FAM171B: variants seen among roughly 807,000 people sequenced by gnomAD.
FAM171B encodes protein FAM171B.
FAM171B carries 19 observed loss-of-function variants against 75.6 expected under a neutral mutation model. The ratio of observed to expected loss-of-function variants is 0.25; its 90% CI spans 0.18 to 0.37. FAM171B has a LOEUF of 0.37. FAM171B is among the 10% of genes least tolerant of loss of function. The pLI, the probability that FAM171B is intolerant of heterozygous loss-of-function variation, is 1.00. For missense variants in FAM171B, 848 were observed against 982.4 expected (o/e 0.86, Z 1.83); for synonymous variants, 367 against 361.7 (o/e 1.01, Z -0.17).
At chr2:186,731,809 A>AGTGGT (rs1217618888) in intron 1 of FAM171B, among the ~76,000 whole-genome samples, 2 of 152,112 alleles carry the variant, frequency 1.3e-5, no homozygotes, top group East Asian at 3.9e-4. Flanking sequence ...TTGTCAGATC[A>AGTGGT]GTGGCAGCAT....
chr2:186,733,175 G>A (rs990358346), intron 1 of FAM171B, among the ~76,000 whole-genome samples: 3 of 152,112 alleles, frequency 2.0e-5, no homozygotes, highest in South Asian at 2.1e-4. Context: ...CTGAATCTTC[G>A]TTTTTTGAAA....
Position 186,748,671 on chromosome 2 carries a change from A to T in FAM171B, c.724+1421A>T, listed in dbSNP as rs1037752674. Among the ~76,000 whole-genome samples the T allele has an allele frequency of 3.9e-5, 6 of 152,212 alleles. No homozygotes were observed. In the East Asian group the frequency reaches 1.2e-3, roughly 29 times the overall value. ...ACAGTGATAACCTGCTTGTTAACAC[A>T]TCCTGTACTGGCTCCCTTCCTTCCT... On this transcript the variant is annotated intron_variant, in intron 4 of 7. Coordinates refer to ENST00000304698, the MANE Select transcript of FAM171B (RefSeq NM_177454.4).
chr2:186,737,033 C>T (rs1690212700), intron 1 of FAM171B, among the ~76,000 whole-genome samples: 1 of 152,120 alleles, frequency 6.6e-6, no homozygotes, highest in African/African-American at 2.4e-5. Context: ...GTACTGGACA[C>T]ATTATTTCAT....
Position 186,743,452 on chromosome 2 carries a change from T to A in FAM171B, c.473-31T>A, listed in dbSNP as rs747441131. 25 of 1,490,516 alleles carry A rather than the reference T, an allele frequency of 1.7e-5. 4 individuals are homozygous for A. In the South Asian group the frequency reaches 2.7e-4, roughly 16 times the overall value. 92.3% of individuals were successfully genotyped at this position (1,490,516 alleles called of 1,614,324 possible). A position where few individuals can be genotyped will look rare whatever the true frequency, so the allele number is the denominator to read the frequency against. On this transcript the variant is annotated intron_variant, in intron 2 of 7. Coordinates refer to ENST00000304698, the MANE Select transcript of FAM171B (RefSeq NM_177454.4). The stretch of plus-strand genomic sequence containing the variant: ...CTAGTTTTTTTCCCCTCACATTAAG[T>A]AAAATATTCTAATTGTGCTATATTT...
chr2:186,722,899 T>G (rs2105779470), intron 1 of FAM171B, among the ~76,000 whole-genome samples: 1 of 152,348 alleles, frequency 6.6e-6, no homozygotes, highest in African/African-American at 2.4e-5. Flanking sequence ...TATTTGGTGT[T>G]GAGGATATTG....
At chr2:186,755,883 G>C (rs1690524873) in intron 6 of FAM171B, among the ~76,000 whole-genome samples, 1 of 152,070 alleles carries the variant, frequency 6.6e-6, no homozygotes, top group Admixed American at 6.6e-5. Flanking sequence ...TCAGAGGGTG[G>C]TTACTTTTGC....
chr2:186,698,696 A>G (rs1689614814), intron 1 of FAM171B, among the ~76,000 whole-genome samples: 2 of 152,256 alleles, frequency 1.3e-5, no homozygotes, highest in East Asian at 3.9e-4. Context: ...TACTATATTT[A>G]CCCTGTTGTG....
At chr2:186,720,796 C>CTGGT (rs1468424185) in intron 1 of FAM171B, among the ~76,000 whole-genome samples, 5 of 151,052 alleles carry the variant, frequency 3.3e-5, no homozygotes, top group African/African-American at 1.2e-4. Context: ...CCAGACATTT[C>CTGGT]TAATACGGGA....
At chr2:186,705,034 G>T (rs1301413963) in intron 1 of FAM171B, among the ~76,000 whole-genome samples, 22 of 152,228 alleles carry the variant, frequency 1.4e-4, no homozygotes, top group Admixed American at 1.4e-3. Flanking sequence ...CGCCCAGGAA[G>T]GAATTCAATG....
At chr2:186,752,697 T>G (rs1014612275) in intron 5 of FAM171B, among the ~76,000 whole-genome samples, 5 of 152,234 alleles carry the variant, frequency 3.3e-5, no homozygotes, top group African/African-American at 1.2e-4. Context: ...GATTTATCAC[T>G]GATGTAACAC....
intron 5 of FAM171B, among the ~76,000 whole-genome samples, chr2:186,751,956 A>C (rs1319482410): frequency 3.9e-5 from 6 of 152,188 alleles, no homozygotes; most frequent in Non-Finnish European, 7.3e-5. Flanking sequence ...GCTACAGTCT[A>C]GATAGTTTCA....
intron 1 of FAM171B, among the ~76,000 whole-genome samples, chr2:186,718,864 G>A (rs369478679): frequency 1.3e-5 from 2 of 152,114 alleles, no homozygotes; most frequent in Non-Finnish European, 2.9e-5. Flanking sequence ...TGTCATATCT[G>A]CTTTTTCCTT....
rs1690623473 is a variant in FAM171B at position 186,761,911 on chromosome 2, G to A, written c.1569G>A (p.Gly523=). The A allele has an allele frequency of 6.2e-7, 1 of 1,613,008 alleles. No individual in the cohort carries two copies. Among genetic ancestry groups the A allele is most frequent in the South Asian group, 1.1e-5 (1 of 91,062 alleles). The change falls in exon 8 of 8, where the codon GGG becomes GGA. Residue 523 remains glycine (G), a synonymous_variant. Coordinates refer to ENST00000304698, the MANE Select transcript of FAM171B (RefSeq NM_177454.4). ...RYLTGNEEAY[G]RSHIPEQLMH... ...TCACAGGTAATGAGGAGGCGTATGG[G>A]CGTTCCCATATTCCTGAACAGCTTA... is the stretch of plus-strand genomic sequence containing the variant.
At chr2:186,748,452 C>T (rs955787091) in intron 4 of FAM171B, among the ~76,000 whole-genome samples, 1 of 152,152 alleles carries the variant, frequency 6.6e-6, no homozygotes, top group South Asian at 2.1e-4. Context: ...AGCCAGATGA[C>T]ACTTATTATT....
At chr2:186,756,967 G>A (rs1690541633) in intron 6 of FAM171B, among the ~76,000 whole-genome samples, 1 of 152,160 alleles carries the variant, frequency 6.6e-6, no homozygotes, top group African/African-American at 2.4e-5. Context: ...TAAAGGTCCT[G>A]TGTACAGGAG....
intron 6 of FAM171B, among the ~76,000 whole-genome samples, chr2:186,758,507 C>G (rs1253536651): frequency 6.6e-6 from 1 of 152,096 alleles, no homozygotes; most frequent in Middle Eastern, 3.2e-3. Context: ...CCAGCTGCCC[C>G]ACCACTCACT....
intron 1 of FAM171B, among the ~76,000 whole-genome samples, chr2:186,711,159 G>A (rs945458189): frequency 2.0e-5 from 3 of 152,028 alleles, no homozygotes; most frequent in Non-Finnish European, 4.4e-5. Context: ...GTTTACTTTG[G>A]CCTGTTTTTA....
chr2:186,723,558 G>A (rs181127598), intron 1 of FAM171B, among the ~76,000 whole-genome samples: 2 of 152,202 alleles, frequency 1.3e-5, no homozygotes. Flanking sequence ...TTGGGTAACA[G>A]ATAAATGATG....
chr2:186,694,544 C>A, intron 1 of FAM171B, 133 bp downstream of exon 1: 1 of 1,268,992 alleles, frequency 7.9e-7, no homozygotes, highest in Non-Finnish European at 1.1e-6. Context: ...CGATCTCTCT[C>A]CCCAGACTGG....
Sources: allele counts gnomAD v4.1 joint callset (sites outside exome capture counted in the v4.1 genomes callset), GRCh38; gene constraint gnomAD v4.1.1; transcripts MANE v1.5; gene names NCBI Gene and HGNC (gene_info 2026-07-23, HGNC 2026-07-21).